Variants in KIAA1328 observed in about 807,000 individuals in gnomAD.
The protein encoded by KIAA1328 is KIAA1328, also known as protein hinderin.
Under a neutral mutation model 68.1 loss-of-function variants are expected in KIAA1328, and 52 were observed. The observed-to-expected ratio is 0.76, with a 90% confidence interval of 0.61 to 0.96. KIAA1328 has a LOEUF of 0.96. Among genes scored for constraint, KIAA1328 ranks in the 40% least tolerant of loss-of-function variants. The pLI is 0.00. For missense variants in KIAA1328, 641 were observed against 677.6 expected (o/e 0.95, Z 0.60); for synonymous variants, 232 against 239.4 (o/e 0.97, Z 0.28).
At chr18:36,904,585 C>G (rs1440047355) in intron 5 of KIAA1328, among the ~76,000 whole-genome samples, 1 of 151,992 alleles carries the variant, frequency 6.6e-6, no homozygotes, top group African/African-American at 2.4e-5. Context: ...TTTTTATATG[C>G]TATAACTTTT....
At chr18:37,027,012 A>G (rs1361210373) in intron 6 of KIAA1328, among the ~76,000 whole-genome samples, 1 of 152,236 alleles carries the variant, frequency 6.6e-6, no homozygotes, top group Admixed American at 6.5e-5. Flanking sequence ...GCTGATAAGC[A>G]ACTTTAGCAA....
At chr18:36,960,026 T>A (rs2051593516) in intron 6 of KIAA1328, among the ~76,000 whole-genome samples, 1 of 152,164 alleles carries the variant, frequency 6.6e-6, no homozygotes, top group Non-Finnish European at 1.5e-5. Context: ...AAAGACCCAC[T>A]TCTGGTTGGG....
chr18:36,949,200 A>C (rs2034215), intron 5 of KIAA1328, among the ~76,000 whole-genome samples: 20,711 of 152,188 alleles, frequency 0.14, 1,755 homozygotes, highest in Admixed American at 0.18. Flanking sequence ...AAAGGGTAAA[A>C]TATTTCTCCT....
chr18:36,983,084 T>C (rs2052763468), intron 6 of KIAA1328, among the ~76,000 whole-genome samples: 2 of 151,926 alleles, frequency 1.3e-5, no homozygotes, highest in Non-Finnish European at 1.5e-5. Context: ...ATGGGACAAA[T>C]AGAAATCAAA....
At chr18:37,067,931 G>C (rs746830995) in intron 7 of KIAA1328, among the ~76,000 whole-genome samples, 1 of 152,138 alleles carries the variant, frequency 6.6e-6, no homozygotes, top group African/African-American at 2.4e-5. Flanking sequence ...TACTATAGCA[G>C]ATGGGTAGAA....
intron 6 of KIAA1328, among the ~76,000 whole-genome samples, chr18:36,975,875 C>G (rs1369634683): frequency 6.6e-6 from 1 of 151,988 alleles, no homozygotes; most frequent in East Asian, 1.9e-4. Context: ...CTCTATAGTT[C>G]CTTTAAATTT....
intron 5 of KIAA1328, among the ~76,000 whole-genome samples, chr18:36,905,481 T>G (rs1322158145): frequency 6.6e-6 from 1 of 152,174 alleles, no homozygotes; most frequent in Non-Finnish European, 1.5e-5. Context: ...ATAGTCCACA[T>G]TTTTGTTATT....
chr18:37,045,544 T>A (rs573952467), intron 6 of KIAA1328, among the ~76,000 whole-genome samples: 1 of 152,300 alleles, frequency 6.6e-6, no homozygotes, highest in African/African-American at 2.4e-5. Flanking sequence ...TCATAGACTG[T>A]TTCCTTATTG....
chr18:37,204,914 T>G (rs148540386), intron 9 of KIAA1328, among the ~76,000 whole-genome samples: 28 of 152,280 alleles, frequency 1.8e-4, no homozygotes, highest in African/African-American at 5.5e-4. Flanking sequence ...TAAAATCTCT[T>G]TATCAGAATT....
chr18:37,109,065 G>A (rs192721286), intron 7 of KIAA1328, among the ~76,000 whole-genome samples: 28 of 152,274 alleles, frequency 1.8e-4, no homozygotes, highest in Admixed American at 5.2e-4. Flanking sequence ...TGCTTAGAAT[G>A]ATGGTTTCCA....
At chr18:36,887,531 T>C (rs890333670) in intron 5 of KIAA1328, among the ~76,000 whole-genome samples, 2 of 152,106 alleles carry the variant, frequency 1.3e-5, no homozygotes, top group Admixed American at 6.5e-5. Context: ...GAAGAGGTCC[T>C]GGTAATTATG....
At chr18:36,969,206 C>T (rs565859493) in intron 6 of KIAA1328, among the ~76,000 whole-genome samples, 49 of 152,178 alleles carry the variant, frequency 3.2e-4, no homozygotes, top group African/African-American at 9.9e-4. Flanking sequence ...AGATTAACAA[C>T]GTAACATCAC....
intron 7 of KIAA1328, among the ~76,000 whole-genome samples, chr18:37,102,232 A>T (rs564721312): frequency 1.6e-3 from 242 of 152,304 alleles, no homozygotes; most frequent in Non-Finnish European, 2.4e-3. Flanking sequence ...TACACTGAGA[A>T]CACATGGACA....
intron 1 of KIAA1328, among the ~76,000 whole-genome samples, chr18:36,832,471 C>A (rs1031616928): frequency 2.0e-5 from 3 of 151,692 alleles, no homozygotes; most frequent in Admixed American, 2.0e-4. Flanking sequence ...CACCTGTAAT[C>A]CCAGCTACTC....
intron 7 of KIAA1328, among the ~76,000 whole-genome samples, chr18:37,129,218 C>T (rs1258000892): frequency 6.6e-6 from 1 of 151,974 alleles, no homozygotes; most frequent in African/African-American, 2.4e-5. Context: ...GACCTCAATT[C>T]CATTCCTATA....
At chr18:37,017,529 C>T (rs1444838802) in intron 6 of KIAA1328, among the ~76,000 whole-genome samples, 7 of 152,056 alleles carry the variant, frequency 4.6e-5, no homozygotes, top group Admixed American at 2.0e-4. Flanking sequence ...TAGTTTTCTG[C>T]CTCAGTGATC....
intron 6 of KIAA1328, among the ~76,000 whole-genome samples, chr18:37,029,121 G>T (rs1294893316): frequency 1.3e-5 from 2 of 152,120 alleles, no homozygotes; most frequent in Non-Finnish European, 2.9e-5. Context: ...ATGTCTGGTA[G>T]AATTCACCTG....
At chr18:37,183,979 T>C (rs937419915) in intron 9 of KIAA1328, among the ~76,000 whole-genome samples, 4 of 152,228 alleles carry the variant, frequency 2.6e-5, no homozygotes, top group African/African-American at 9.6e-5. Context: ...GTGGACGTTA[T>C]GAGCATGAGT....
intron 9 of KIAA1328, among the ~76,000 whole-genome samples, chr18:37,190,314 G>GTC (rs1377665722): frequency 6.6e-6 from 1 of 152,096 alleles, no homozygotes; most frequent in Non-Finnish European, 1.5e-5. Context: ...CAGAAATTTA[G>GTC]TCTATATTAA....
Sources: gnomAD v4.1 joint callset for allele counts (sites outside exome capture counted in the v4.1 genomes callset) on GRCh38, gnomAD v4.1.1 for gene constraint, MANE v1.5 for transcripts, NCBI Gene and HGNC (gene_info 2026-07-23, HGNC 2026-07-21) for gene names.